Variants in FOXP1 observed in about 807,000 individuals in gnomAD.
FOXP1 encodes forkhead box P1, also known as forkhead box protein P1.
In FOXP1, 15 loss-of-function variants were observed where a neutral mutation model predicts 98.2. That is an observed-to-expected ratio of 0.15 (90% CI 0.10 to 0.24). FOXP1 has a LOEUF of 0.24. Ranked by LOEUF, FOXP1 falls within the 10% of genes least tolerant of loss-of-function variation. The probability of loss-of-function intolerance (pLI) is 1.00; values close to 1 mark genes in which losing one functional copy is unlikely to be tolerated. For missense variants in FOXP1, 633 were observed against 848.5 expected (o/e 0.75, Z 3.15); for synonymous variants, 371 against 314.5 (o/e 1.18, Z -1.90).
At chr3:71,335,476 G>C (rs1295302657) in intron 4 of FOXP1, among the ~76,000 whole-genome samples, 1 of 152,034 alleles carries the variant, frequency 6.6e-6, no homozygotes, top group South Asian at 2.1e-4. Context: ...CTTTGTTCTC[G>C]AGAACCAAAA....
At chr3:71,317,392 G>C (rs771394638) in intron 4 of FOXP1, among the ~76,000 whole-genome samples, 7 of 152,118 alleles carry the variant, frequency 4.6e-5, no homozygotes, top group African/African-American at 7.2e-5. Flanking sequence ...ATATTAAATG[G>C]GAATTCGCAC....
chr3:71,434,631 GGTGTGTGTGTGT>G (rs55643841), intron 3 of FOXP1, among the ~76,000 whole-genome samples: 7 of 142,342 alleles, frequency 4.9e-5, no homozygotes, highest in Admixed American at 1.4e-4. Context: ...GAGGGGATGG[GGTGTGTGTGTGT>G]GTGTGTGTGT....
At chr3:71,215,567 C>T (rs2064852815) in intron 5 of FOXP1, among the ~76,000 whole-genome samples, 1 of 152,122 alleles carries the variant, frequency 6.6e-6, no homozygotes, top group Non-Finnish European at 1.5e-5. Flanking sequence ...AAAACCCAGC[C>T]CTTTGGGAGG....
intron 5 of FOXP1, among the ~76,000 whole-genome samples, chr3:71,232,676 A>C (rs1475073460): frequency 6.6e-6 from 1 of 151,776 alleles, no homozygotes. Context: ...AGGTGGGAGG[A>C]TCCCTTGAGT....
At chr3:71,130,951 C>T (rs2059537109) in intron 6 of FOXP1, 1 of 1,221,688 alleles carries the variant, frequency 8.2e-7, no homozygotes, top group Admixed American at 3.9e-5. Context: ...TAGCCAAACA[C>T]AGCTCATTCA....
chr3:71,298,598 G>GT (rs1377237434), intron 5 of FOXP1, among the ~76,000 whole-genome samples: 2 of 152,170 alleles, frequency 1.3e-5, no homozygotes, highest in Admixed American at 1.3e-4. Context: ...CATCTGAAAC[G>GT]TATGTTTGTC....
At chr3:71,008,895 G>C (rs184033576) in intron 12 of FOXP1, among the ~76,000 whole-genome samples, 384 of 152,050 alleles carry the variant, frequency 2.5e-3, no homozygotes, top group African/African-American at 8.9e-3. Flanking sequence ...AGACCTGTGA[G>C]TCCCCCCCAC....
At chr3:71,022,371 C>T (rs1044826046) in intron 11 of FOXP1, among the ~76,000 whole-genome samples, 1 of 152,120 alleles carries the variant, frequency 6.6e-6, no homozygotes. Context: ...TATATAACAA[C>T]TTTTGAAATT....
intron 3 of FOXP1, among the ~76,000 whole-genome samples, chr3:71,425,171 A>C (rs1189906677): frequency 6.6e-6 from 1 of 152,044 alleles, no homozygotes; most frequent in Non-Finnish European, 1.5e-5. Context: ...GCTGGAGTGC[A>C]GTGGCACAAT....
chr3:71,100,758 C>T (rs2056883079), intron 7 of FOXP1, among the ~76,000 whole-genome samples: 1 of 152,148 alleles, frequency 6.6e-6, no homozygotes, highest in South Asian at 2.1e-4. Flanking sequence ...TTATCCAGCT[C>T]CTTACAAAGG....
intron 6 of FOXP1, among the ~76,000 whole-genome samples, chr3:71,180,082 C>T (rs532994818): frequency 1.3e-5 from 2 of 152,194 alleles, no homozygotes; most frequent in Admixed American, 1.3e-4. Context: ...AGTCTCTCTG[C>T]CAATATTTTA....
chr3:71,270,323 T>C (rs1269187445), intron 5 of FOXP1, among the ~76,000 whole-genome samples: 2 of 152,170 alleles, frequency 1.3e-5, no homozygotes, highest in Admixed American at 6.5e-5. Context: ...GTTTGAACTG[T>C]TAATACTGAT....
intron 2 of FOXP1, chr3:71,580,901 G>C: frequency 1.0e-6 from 1 of 985,392 alleles, no homozygotes; most frequent in Non-Finnish European, 1.2e-6. Context: ...CCTGTTTAAA[G>C]AGCAGTGACA....
In FOXP1 at chr3:71,129,460, T is replaced by C. The variant is rs1328763790; in HGVS notation, c.181-16823A>G. On this transcript the variant is annotated intron_variant, in intron 6 of 20. Coordinates refer to ENST00000649528, the MANE Select transcript of FOXP1 (RefSeq NM_001349338.3). ...TTTCTCTATTCTAATAGATGCTGTT[T>C]TAGATACTAAAATTTAAAAATATTT... Among the ~76,000 whole-genome samples the C allele has an allele frequency of 2.0e-5, 3 of 152,354 alleles. No homozygotes were observed. In the East Asian group the frequency reaches 5.8e-4, roughly 29 times the overall value.
intron 2 of FOXP1, among the ~76,000 whole-genome samples, chr3:71,529,819 A>G (rs1163752011): frequency 1.3e-5 from 2 of 152,182 alleles, no homozygotes; most frequent in African/African-American, 4.8e-5. Context: ...TTGGCTGTTC[A>G]TCAGTATCCT....
chr3:71,328,979 A>AT (rs1234151953), intron 4 of FOXP1, among the ~76,000 whole-genome samples: 2 of 120,700 alleles, frequency 1.7e-5, no homozygotes, highest in African/African-American at 5.3e-5. Flanking sequence ...CTCGCTAAAA[A>AT]AAAAAAAAAA....
intron 3 of FOXP1, among the ~76,000 whole-genome samples, chr3:71,400,330 A>G (rs2081866676): frequency 6.6e-6 from 1 of 151,496 alleles, no homozygotes; most frequent in South Asian, 2.1e-4. Flanking sequence ...TTTCTAAGGC[A>G]TACACCTTCT....
Position 71,493,423 on chromosome 3 carries a change from C to G in FOXP1, c.-168+3G>C, listed in dbSNP as rs2091203601. 1 of 152,216 alleles carries G rather than the reference C, an allele frequency of 6.6e-6. No individual in the cohort carries two copies. The highest frequency in any genetic ancestry group is 6.5e-5 in the Admixed American group (1 of 15,284). 9.4% of individuals were successfully genotyped at this position (152,216 alleles called of 1,614,324 possible). On this transcript the variant is annotated splice_donor_region_variant and intron_variant, in intron 3 of 20. Transcript: ENST00000649528. ...GAATAATCACAAACATTCATTCACT[C>G]ACCCTTTTGGCTAGCAGGCATCACA...
chr3:70,983,685 C>A (rs1443296698), intron 14 of FOXP1, among the ~76,000 whole-genome samples: 2 of 152,182 alleles, frequency 1.3e-5, no homozygotes, highest in African/African-American at 4.8e-5. Context: ...AAGTTGTTCT[C>A]TGATGTGCAG....
Sources: gnomAD v4.1 joint callset for allele counts (sites outside exome capture counted in the v4.1 genomes callset) on GRCh38, gnomAD v4.1.1 for gene constraint, MANE v1.5 for transcripts, NCBI Gene and HGNC (gene_info 2026-07-23, HGNC 2026-07-21) for gene names.